The following RTL9 variants were observed in gnomAD, a reference collection of about 807,000 sequenced individuals.
RTL9 encodes retrotransposon Gag like 9, also known as retrotransposon Gag-like protein 9.
Under a neutral mutation model 44.7 loss-of-function variants are expected in RTL9, and 19 were observed. The ratio of observed to expected loss-of-function variants is 0.42; its 90% CI spans 0.30 to 0.62. The LOEUF is 0.62. RTL9 is among the 20% of genes least tolerant of loss of function. The probability of loss-of-function intolerance (pLI) is 0.16; values close to 1 mark genes in which losing one functional copy is unlikely to be tolerated. For synonymous variants in RTL9, 407 were observed against 398.9 expected (o/e 1.02, Z -0.24); for missense variants, 1,105 against 1,080.6 (o/e 1.02, Z -0.32).
In RTL9 at chrX:110,453,634, C is replaced by A. The variant is rs749404863; in HGVS notation, c.3017C>A (p.Thr1006Lys). The A allele has an allele frequency of 1.7e-6, 2 of 1,211,989 alleles. No homozygotes were observed. Among genetic ancestry groups the A allele is most frequent in the South Asian group, 3.5e-5 (2 of 56,967 alleles). The change falls in exon 1 of 2, where the codon ACA (threonine) becomes AAA (lysine). Residue 1006 changes from threonine (T) to lysine (K), a missense_variant. Thr to Lys is a moderately conservative substitution (Grantham distance 78). Coordinates refer to ENST00000540313, the Ensembl canonical transcript of RTL9. ...TCTAGATCTATGTCCTTGTCACAAA[C>A]AACATATACCGTGTCTGGAAGGATG...
upstream of RTL9, among the ~76,000 whole-genome samples, chrX:110,449,914 A>G (rs1311682040): frequency 8.9e-6 from 1 of 112,536 alleles, no homozygotes; most frequent in African/African-American, 3.2e-5. Flanking sequence ...TCTAAAGTAC[A>G]GTGCCTGGCA....
intron 1 of RTL9, among the ~76,000 whole-genome samples, chrX:110,387,718 T>C (rs1301930832): frequency 4.5e-5 from 5 of 111,847 alleles, no homozygotes; most frequent in Non-Finnish European, 9.4e-5. Context: ...CCATGTTCTC[T>C]ACTTCTCAAC....
chrX:110,421,846 G>A (rs1214878211), intron 1 of RTL9, among the ~76,000 whole-genome samples: 3 of 112,717 alleles, frequency 2.7e-5, no homozygotes, highest in Non-Finnish European at 3.7e-5. Context: ...GGTGTGACAG[G>A]AAAAGCTGAC....
intron 1 of RTL9, among the ~76,000 whole-genome samples, chrX:110,361,937 A>G (rs2068266363): frequency 8.9e-6 from 1 of 111,775 alleles, no homozygotes; most frequent in South Asian, 3.7e-4. Context: ...ATAAAACTGT[A>G]TTTACCAAAA....
intron 1 of RTL9, among the ~76,000 whole-genome samples, chrX:110,432,187 C>T (rs2068801992): frequency 8.9e-6 from 1 of 112,299 alleles, no homozygotes; most frequent in African/African-American, 3.2e-5. Flanking sequence ...TAGGCTCGCT[C>T]TTGCCAGGAG....
In RTL9 at chrX:110,455,710, C is replaced by T. The variant is rs1477892039; in HGVS notation, c.*389C>T. The T allele has an allele frequency of 3.1e-5, 4 of 130,913 alleles. No individual in the cohort carries two copies. The Admixed American group carries it at 3.2e-4, about 10-fold the overall frequency. The allele number at this position is 130,913 out of a possible 1,213,427, so 10.8% of individuals were successfully genotyped here. A position where few individuals can be genotyped will look rare whatever the true frequency, so the allele number is the denominator to read the frequency against. The stretch of plus-strand genomic sequence containing the variant: ...TTGAGGAAGCCCTGGTTCTATTTCA[C>T]CTGGCAGGGGAGCCTATAAGGAGAG... On this transcript the variant is annotated 3_prime_UTR_variant, in exon 2 of 2. Coordinates refer to ENST00000540313, the Ensembl canonical transcript of RTL9.
At chrX:110,361,871 C>T (rs1481869026) in intron 1 of RTL9, among the ~76,000 whole-genome samples, 1 of 112,128 alleles carries the variant, frequency 8.9e-6, no homozygotes, top group African/African-American at 3.2e-5. Context: ...AACACAACTA[C>T]CTACCTCTAT....
intron 1 of RTL9, among the ~76,000 whole-genome samples, chrX:110,405,005 A>G (rs2068588941): frequency 9.1e-6 from 1 of 110,382 alleles, no homozygotes; most frequent in African/African-American, 3.3e-5. Context: ...TTTGGGGTGG[A>G]AACTATACAT....
At chrX:110,446,207 T>C (rs1274836974), upstream of RTL9, among the ~76,000 whole-genome samples, 1 of 110,411 alleles carries the variant, frequency 9.1e-6, no homozygotes, top group Non-Finnish European at 1.9e-5. Context: ...GAATGGGGGG[T>C]GGGGCATTTT....
exon 1 of RTL9, chrX:110,450,712 T>C: frequency 8.3e-7 from 1 of 1,210,956 alleles, no homozygotes; most frequent in Admixed American, 2.2e-5. Context: ...TGTAGACCAA[T>C]GACAGAGACC....
chrX:110,449,099 CTGAG>C (rs1281139471), upstream of RTL9, among the ~76,000 whole-genome samples: 2 of 110,254 alleles, frequency 1.8e-5, no homozygotes, highest in African/African-American at 6.6e-5. Context: ...GGTAGTGTGA[CTGAG>C]TAAGGGGGAG....
chrX:110,453,878 A>G, exon 1 of RTL9: 14 of 1,212,021 alleles, frequency 1.2e-5, no homozygotes, highest in Non-Finnish European at 1.6e-5. Context: ...CACCACAGAC[A>G]GCCTTTGGAG....
intron 1 of RTL9, among the ~76,000 whole-genome samples, chrX:110,430,623 G>A (rs190655171): frequency 4.8e-4 from 54 of 111,851 alleles, no homozygotes; most frequent in African/African-American, 1.5e-3. Flanking sequence ...AACTATGAGA[G>A]CCATATAGTC....
At chrX:110,369,340 A>G (rs1569416182) in intron 1 of RTL9, among the ~76,000 whole-genome samples, 1 of 111,232 alleles carries the variant, frequency 9.0e-6, no homozygotes, top group Non-Finnish European at 1.9e-5. Context: ...TCAGTAAAAG[A>G]AAAAAAGAAA....
chrX:110,422,469 C>T (rs2068724326), intron 1 of RTL9, among the ~76,000 whole-genome samples: 1 of 112,872 alleles, frequency 8.9e-6, no homozygotes, highest in African/African-American at 3.2e-5. Flanking sequence ...GCCATATTTA[C>T]CTGTTCTCCC....
chrX:110,366,874 A>G (rs59836020), intron 1 of RTL9, among the ~76,000 whole-genome samples: 4,475 of 111,733 alleles, frequency 0.04, 215 homozygotes, highest in African/African-American at 0.14. Context: ...TCATCCATTC[A>G]TTCTTGAATG....
At chrX:110,452,742 C>A (rs1407506472) in exon 1 of RTL9, 1 of 1,210,808 alleles carries the variant, frequency 8.3e-7, no homozygotes, top group Admixed American at 2.2e-5. Context: ...GCCTGCCTCA[C>A]TAATGAGAGC....
intron 1 of RTL9, among the ~76,000 whole-genome samples, chrX:110,436,093 T>C (rs2068836819): frequency 8.9e-6 from 1 of 112,730 alleles, no homozygotes; most frequent in Admixed American, 9.3e-5. Flanking sequence ...AGAATCGCTG[T>C]GCGTTTTGCA....
intron 1 of RTL9, among the ~76,000 whole-genome samples, chrX:110,400,538 A>G (rs913970731): frequency 3.6e-5 from 4 of 110,665 alleles, no homozygotes; most frequent in African/African-American, 1.3e-4. Context: ...ACCAGTCCTC[A>G]CTACATTCTG....
Sources: gnomAD v4.1 joint callset for allele counts (sites outside exome capture counted in the v4.1 genomes callset) on GRCh38, gnomAD v4.1.1 for gene constraint, MANE v1.5 for transcripts, NCBI Gene and HGNC (gene_info 2026-07-23, HGNC 2026-07-21) for gene names.